The following ZNF143 variants were observed in gnomAD, a reference collection of about 807,000 sequenced individuals.
ZNF143 encodes SPH-binding factor.
ZNF143 carries 49 observed loss-of-function variants against 74.1 expected under a neutral mutation model. The observed-to-expected ratio is 0.66, with a 90% CI of 0.53 to 0.84. The LOEUF (loss-of-function observed/expected upper bound fraction) is 0.84. ZNF143 is among the 40% of genes least tolerant of loss of function. The probability of loss-of-function intolerance (pLI) is 0.00; values close to 1 mark genes in which losing one functional copy is unlikely to be tolerated. For missense variants in ZNF143, 637 were observed against 793.4 expected, an observed-to-expected ratio of 0.80 and a Z score of 2.37; for synonymous variants, 304 against 282.8, an observed-to-expected ratio of 1.07 and a Z score of -0.75.
At chr11:9,471,549 TG>T in intron 2 of ZNF143, 129 bp downstream of exon 2, 2 of 596,526 alleles carry the variant, frequency 3.4e-6, no homozygotes, top group Non-Finnish European at 5.3e-6. Context: ...TGAGGTGTTT[TG>T]GTGTTTTTTT....
chr11:9,505,916 TTTAAGTGCTTCTTA>T, intron 11 of ZNF143, among the ~76,000 whole-genome samples: 1 of 152,030 alleles, frequency 6.6e-6, no homozygotes, highest in East Asian at 1.9e-4. Context: ...CAATTCATCT[TTTAAGTGCTTCTTA>T]TTAAAATATA....
chr11:9,479,942 T>C (rs1240378082), intron 7 of ZNF143, among the ~76,000 whole-genome samples: 1 of 152,236 alleles, frequency 6.6e-6, no homozygotes, highest in Non-Finnish European at 1.5e-5. Context: ...TTTGTATTTT[T>C]AAATTTCTTC....
chr11:9,500,660 C>T (rs1848126819), intron 10 of ZNF143, among the ~76,000 whole-genome samples: 1 of 152,120 alleles, frequency 6.6e-6, no homozygotes, highest in South Asian at 2.1e-4. Flanking sequence ...GTCAAAACAC[C>T]ATATTTTTAA....
intron 1 of ZNF143, among the ~76,000 whole-genome samples, chr11:9,461,448 G>A (rs963550248): frequency 1.6e-4 from 25 of 152,184 alleles, no homozygotes; most frequent in Non-Finnish European, 3.5e-4. Flanking sequence ...CCTCCGCGCA[G>A]AGCGAGTCCC....
At chr11:9,487,914 A>AT (rs945586423) in intron 7 of ZNF143, among the ~76,000 whole-genome samples, 2 of 152,030 alleles carry the variant, frequency 1.3e-5, no homozygotes, top group African/African-American at 2.4e-5. Context: ...GATTCTGTCC[A>AT]TTTTTTCCCC....
intron 14 of ZNF143, among the ~76,000 whole-genome samples, chr11:9,523,818 C>T (rs1175465408): frequency 6.6e-6 from 1 of 151,874 alleles, no homozygotes; most frequent in East Asian, 1.9e-4. Flanking sequence ...GAGGCCGAGG[C>T]GGGTGGATCG....
chr11:9,493,499 T>C, intron 7 of ZNF143, among the ~76,000 whole-genome samples: 1 of 152,184 alleles, frequency 6.6e-6, no homozygotes, highest in East Asian at 1.9e-4. Flanking sequence ...ACAATTACAC[T>C]GAGATCTCTA....
At chr11:9,474,716 T>C (rs1452292403) in intron 5 of ZNF143, 83 bp downstream of exon 5, 7 of 1,307,100 alleles carry the variant, frequency 5.4e-6, no homozygotes, top group Middle Eastern at 1.8e-4. Context: ...AGCTTCTGAA[T>C]TGTTGTCATG....
chr11:9,486,456 A>ATATATATAATATATTATATATATAT (rs1253891697), intron 7 of ZNF143, among the ~76,000 whole-genome samples: 8 of 76,864 alleles, frequency 1.0e-4, no homozygotes, highest in South Asian at 3.2e-4. Flanking sequence ...TATATATATT[A>ATATATATAATATATTATATATATAT]TATATATATA....
At chr11:9,525,106 G>A (rs1215077004) in intron 14 of ZNF143, 134 bp from the exon 15 acceptor site, 7 of 1,037,726 alleles carry the variant, frequency 6.7e-6, no homozygotes, top group Non-Finnish European at 8.3e-6. Flanking sequence ...TTTCAATATA[G>A]GCTTTGACAA....
In ZNF143 at chr11:9,472,788, G is replaced by A; in HGVS notation, c.205+19G>A. On this transcript the variant is annotated intron_variant, in intron 3 of 15. Transcript: ENST00000396602. ...TCTAAAGGTATGTGCCTCACATATG[G>A]CTGATTGGTTAATACCAGTGATTTA... The A allele has an allele frequency of 6.5e-7, 1 of 1,527,332 alleles. No homozygotes were observed. The highest frequency in any genetic ancestry group is 8.8e-7 in the Non-Finnish European group (1 of 1,139,586). The allele number at this position is 1,527,332 out of a possible 1,614,324, so 94.6% of individuals were successfully genotyped here.
chr11:9,510,420 A>G (rs1227030272), intron 12 of ZNF143, among the ~76,000 whole-genome samples: 1 of 152,098 alleles, frequency 6.6e-6, no homozygotes, highest in Non-Finnish European at 1.5e-5. Flanking sequence ...CACCGTACCC[A>G]GCCCAGAAGT....
intron 1 of ZNF143, among the ~76,000 whole-genome samples, chr11:9,468,884 A>G (rs1025062796): frequency 4.6e-5 from 7 of 152,164 alleles, no homozygotes; most frequent in Non-Finnish European, 8.8e-5. Context: ...CTGTAATCCC[A>G]GTACTTTGGG....
intron 11 of ZNF143, among the ~76,000 whole-genome samples, chr11:9,502,939 T>C (rs1226502857): frequency 2.0e-5 from 3 of 152,114 alleles, no homozygotes; most frequent in African/African-American, 7.2e-5. Context: ...CACACCATTC[T>C]CCTGCCTCAG....
At chr11:9,511,461 T>TA (rs1211566561) in intron 12 of ZNF143, among the ~76,000 whole-genome samples, 1 of 148,578 alleles carries the variant, frequency 6.7e-6, no homozygotes, top group Non-Finnish European at 1.5e-5. Context: ...CATGCCCGGC[T>TA]ATTTTTTTTT....
intron 14 of ZNF143, among the ~76,000 whole-genome samples, 178 bp downstream of exon 14, chr11:9,516,540 AGTTGCATGTACCCCATAAG>A (rs1334069264): frequency 6.6e-6 from 1 of 152,206 alleles, no homozygotes; most frequent in Non-Finnish European, 1.5e-5. Context: ...GTAGGGTGCT[AGTTGCATGTACCCCATAAG>A]GTTGATATAA....
intron 7 of ZNF143, among the ~76,000 whole-genome samples, chr11:9,484,028 G>A (rs975582794): frequency 7.9e-5 from 12 of 151,510 alleles, no homozygotes; most frequent in Non-Finnish European, 1.8e-4. Context: ...GATTACAGGC[G>A]TGAGCCACCA....
Position 9,528,269 on chromosome 11 carries a change from A to G in ZNF143, c.*656A>G, listed in dbSNP as rs1849193774. On this transcript the variant is annotated 3_prime_UTR_variant, in exon 16 of 16. Transcript: ENST00000396602. The stretch of plus-strand genomic sequence containing the variant: ...TTTGGTTATTTAAAATTAAAAAGTT[A>G]AATCCAGTGGTTTTGTTAAAGATTT... 6.6e-6 allele frequency: 1 copy of G among 152,226 alleles called. No individual in the cohort carries two copies. Among genetic ancestry groups the G allele is most frequent in the Non-Finnish European group, 1.5e-5 (1 of 68,028 alleles). 9.4% of individuals were successfully genotyped at this position (152,226 alleles called of 1,614,324 possible).
intron 4 of ZNF143, 142 bp from the exon 5 acceptor site, chr11:9,474,408 G>A (rs927196063): frequency 2.9e-5 from 23 of 805,882 alleles, no homozygotes; most frequent in Non-Finnish European, 4.2e-5. Context: ...AAGCTTTACT[G>A]AACTTACTTA....
Sources: gnomAD v4.1 joint callset for allele counts (sites outside exome capture counted in the v4.1 genomes callset) on GRCh38, gnomAD v4.1.1 for gene constraint, MANE v1.5 for transcripts, NCBI Gene and HGNC (gene_info 2026-07-23, HGNC 2026-07-21) for gene names.